The following CASK variants were observed in gnomAD, a reference collection of about 807,000 sequenced individuals.
CASK encodes peripheral plasma membrane protein CASK.
CASK carries 4 observed loss-of-function variants against 82.9 expected under a neutral mutation model. That is an observed-to-expected ratio of 0.05 (90% CI 0.02 to 0.11). The LOEUF (loss-of-function observed/expected upper bound fraction) is 0.11, where lower values mean the gene tolerates loss of function less well. Among genes scored for constraint, CASK ranks in the 10% least tolerant of loss-of-function variants. CASK has a pLI of 1.00. For missense variants in CASK, 358 were observed against 720.9 expected (o/e 0.50, Z 5.76); for synonymous variants, 259 against 253.5 (o/e 1.02, Z -0.20).
At chrX:41,655,331 C>G (rs773899381) in intron 8 of CASK, among the ~76,000 whole-genome samples, 1 of 110,342 alleles carries the variant, frequency 9.1e-6, no homozygotes, top group Admixed American at 9.7e-5. Context: ...GGCTTATGGC[C>G]AAAGTCTGTG....
At chrX:41,907,735 T>C (rs1028071869) in intron 1 of CASK, among the ~76,000 whole-genome samples, 1 of 111,657 alleles carries the variant, frequency 9.0e-6, no homozygotes, top group Non-Finnish European at 1.9e-5. Context: ...ATGGCACTAT[T>C]TCAATGGCTT....
At chrX:41,757,578 G>A (rs1336455445) in intron 3 of CASK, among the ~76,000 whole-genome samples, 1 of 112,597 alleles carries the variant, frequency 8.9e-6, no homozygotes. Context: ...CACCCAGGCT[G>A]AAGTGCAGTG....
At chrX:41,748,928 G>T (rs557066662) in intron 3 of CASK, among the ~76,000 whole-genome samples, 1 of 111,682 alleles carries the variant, frequency 9.0e-6, no homozygotes, top group Non-Finnish European at 1.9e-5. Flanking sequence ...ACACACATGG[G>T]GGTATTTTTA....
chrX:41,816,374 G>C (rs1433157181), intron 2 of CASK, among the ~76,000 whole-genome samples: 4 of 110,813 alleles, frequency 3.6e-5, no homozygotes, highest in Admixed American at 1.9e-4. Context: ...AAAACAAGTA[G>C]GCAGAAAATG....
At chrX:41,694,152 T>A (rs1187322956) in intron 5 of CASK, among the ~76,000 whole-genome samples, 1 of 112,411 alleles carries the variant, frequency 8.9e-6, no homozygotes, top group Non-Finnish European at 1.9e-5. Context: ...AATCAAAAGG[T>A]GTTTATTAAA....
intron 2 of CASK, among the ~76,000 whole-genome samples, chrX:41,833,026 G>A (rs2070854601): frequency 8.9e-6 from 1 of 112,202 alleles, no homozygotes; most frequent in South Asian, 3.7e-4. Flanking sequence ...CAAGATAGAA[G>A]AGTGTTGCGT....
intron 2 of CASK, among the ~76,000 whole-genome samples, chrX:41,813,925 G>A (rs1390434658): frequency 2.7e-5 from 3 of 111,961 alleles, no homozygotes; most frequent in Non-Finnish European, 5.6e-5. Flanking sequence ...ATCAAAAAGT[G>A]GGTGAAGGAT....
At chrX:41,884,521 T>C (rs1450676887) in intron 1 of CASK, among the ~76,000 whole-genome samples, 1 of 112,237 alleles carries the variant, frequency 8.9e-6, no homozygotes, top group Non-Finnish European at 1.9e-5. Context: ...CAAAGATTAT[T>C]AATCATCCAT....
chrX:41,868,141 G>C (rs1443723371), intron 1 of CASK, among the ~76,000 whole-genome samples: 2 of 111,627 alleles, frequency 1.8e-5, no homozygotes, highest in African/African-American at 6.5e-5. Flanking sequence ...CATAAAATTA[G>C]AAACATTTTG....
At chrX:41,773,832 G>C (rs2069296747) in intron 3 of CASK, among the ~76,000 whole-genome samples, 1 of 111,471 alleles carries the variant, frequency 9.0e-6, no homozygotes, top group Admixed American at 9.5e-5. Flanking sequence ...TACCATGAAT[G>C]GAACTTGCAT....
At chrX:41,804,801 T>C (rs2070081799) in intron 2 of CASK, among the ~76,000 whole-genome samples, 1 of 112,194 alleles carries the variant, frequency 8.9e-6, no homozygotes, top group Non-Finnish European at 1.9e-5. Flanking sequence ...AAATTCTAGC[T>C]GTTTTATTTC....
At chrX:41,904,050 C>T (rs754756144) in intron 1 of CASK, among the ~76,000 whole-genome samples, 1 of 111,486 alleles carries the variant, frequency 9.0e-6, no homozygotes, top group South Asian at 3.8e-4. Context: ...CCCACACTCT[C>T]CTCCTCCCAG....
intron 16 of CASK, 103 bp downstream of exon 16, chrX:41,569,565 G>A: frequency 1.7e-6 from 1 of 598,897 alleles, no homozygotes; most frequent in Non-Finnish European, 2.8e-6. Flanking sequence ...AACATAGTGA[G>A]AGACCCCATC....
At chrX:41,869,167 C>G (rs1028852984) in intron 1 of CASK, among the ~76,000 whole-genome samples, 4 of 111,405 alleles carry the variant, frequency 3.6e-5, no homozygotes, top group Non-Finnish European at 7.5e-5. Flanking sequence ...AATTCTCCAC[C>G]CCTGGGAAGC....
chrX:41,713,210 A>C (rs772669609), intron 5 of CASK, among the ~76,000 whole-genome samples: 1 of 112,083 alleles, frequency 8.9e-6, no homozygotes, highest in South Asian at 3.7e-4. Context: ...CTGATAAACT[A>C]TTGAAACTGG....
chrX:41,704,205 T>C lies in CASK; in HGVS notation c.430-32675A>G, dbSNP rs1281153516. Among the ~76,000 whole-genome samples, 4 of 112,048 alleles carry C rather than the reference T, an allele frequency of 3.6e-5. No homozygotes were observed. The East Asian group carries it at 1.1e-3, about 31-fold the overall frequency. On this transcript the variant is annotated intron_variant, in intron 5 of 26. Transcript: ENST00000378163. ...TCTTTTACTTTGCTTATGGTTTCTT[T>C]TGTCAGACACTAGAAGCAAAGCTAA...
intron 8 of CASK, among the ~76,000 whole-genome samples, chrX:41,641,115 A>G (rs908842681): frequency 9.2e-6 from 1 of 108,284 alleles, no homozygotes; most frequent in Non-Finnish European, 1.9e-5. Flanking sequence ...CCTCCCAAGT[A>G]GCTGGGATTA....
intron 3 of CASK, among the ~76,000 whole-genome samples, chrX:41,785,227 G>C (rs2069568038): frequency 9.0e-6 from 1 of 110,886 alleles, no homozygotes; most frequent in South Asian, 3.8e-4. Context: ...CGCTGGTCTT[G>C]AACTCCTGAG....
intron 2 of CASK, among the ~76,000 whole-genome samples, chrX:41,838,623 G>A (rs2070975643): frequency 9.0e-6 from 1 of 110,771 alleles, no homozygotes; most frequent in African/African-American, 3.3e-5. Context: ...CGGGCATGGT[G>A]GTGTGTGCCT....
Sources: gnomAD v4.1 joint callset for allele counts (sites outside exome capture counted in the v4.1 genomes callset) on GRCh38, gnomAD v4.1.1 for gene constraint, MANE v1.5 for transcripts, NCBI Gene and HGNC (gene_info 2026-07-23, HGNC 2026-07-21) for gene names.